The following PHYKPL variants were observed in gnomAD, a reference collection of about 807,000 sequenced individuals.
The protein encoded by PHYKPL is 5-phosphonooxy-L-lysine phospho-lyase.
A neutral mutation model predicts 51.3 loss-of-function variants in PHYKPL; 42 were observed. That is an observed-to-expected ratio of 0.82 (90% CI 0.64 to 1.06). The LOEUF is 1.06. Ranked by LOEUF, PHYKPL falls within the 50% of genes least tolerant of loss-of-function variation. The probability of loss-of-function intolerance (pLI) is 0.00; values close to 1 mark genes in which losing one functional copy is unlikely to be tolerated. For missense variants in PHYKPL, 655 were observed against 586.6 expected (o/e 1.12, Z -1.20); for synonymous variants, 264 against 236.0 (o/e 1.12, Z -1.09).
At chr5:178,221,633 C>T (rs1461075897) in intron 8 of PHYKPL, among the ~76,000 whole-genome samples, 1 of 152,154 alleles carries the variant, frequency 6.6e-6, no homozygotes, top group African/African-American at 2.4e-5. Context: ...TTCAAACTGG[C>T]TCTTTTTGAG....
At chr5:178,226,562 C>T (rs1166625338) in intron 3 of PHYKPL, 2 of 152,172 alleles carry the variant, frequency 1.3e-5, no homozygotes, top group African/African-American at 4.8e-5. Flanking sequence ...TTCCTGTGCC[C>T]TCCCTGGGCG....
At chr5:178,211,858 A>G in intron 12 of PHYKPL, 32 bp downstream of exon 12, 2 of 1,511,956 alleles carry the variant, frequency 1.3e-6, no homozygotes, top group Non-Finnish European at 1.8e-6. Context: ...CCCGCTGTGC[A>G]TCTTCAAGAG....
intron 3 of PHYKPL, chr5:178,228,735 T>C: frequency 1.5e-6 from 1 of 646,930 alleles, no homozygotes; most frequent in South Asian, 1.8e-5. Flanking sequence ...AGATACACTG[T>C]AATCGCCTGC....
At chr5:178,213,393 G>A (rs17577590) in intron 10 of PHYKPL, among the ~76,000 whole-genome samples, 58,366 of 152,078 alleles carry the variant, frequency 0.38, 11,320 homozygotes, top group Admixed American at 0.46. Context: ...ACAGGGAAAC[G>A]CCAGACTGCA....
chr5:178,228,643 T>G (rs565993942), intron 3 of PHYKPL: 1 of 702,040 alleles, frequency 1.4e-6, no homozygotes, highest in Non-Finnish European at 2.6e-6. Flanking sequence ...GGGGGGCAGA[T>G]GTCTGTACTG....
intron 12 of PHYKPL, 68 bp from the exon 13 acceptor site, chr5:178,208,983 C>T (rs567038153): frequency 1.4e-4 from 31 of 229,434 alleles, no homozygotes; most frequent in African/African-American, 5.4e-4. Flanking sequence ...CTTGTCTGAC[C>T]CTCTAGCCCA....
intron 11 of PHYKPL, 89 bp downstream of exon 11, chr5:178,212,884 G>C (rs1280834319): frequency 1.3e-6 from 2 of 1,544,552 alleles, no homozygotes; most frequent in African/African-American, 1.4e-5. Context: ...TTGGACTCTT[G>C]TCCCCTCCCT....
At chr5:178,226,074 A>AT (rs1380543555) in intron 3 of PHYKPL, 3 of 132,708 alleles carry the variant, frequency 2.3e-5, no homozygotes, top group African/African-American at 8.4e-5. Context: ...CACCTTTGGA[A>AT]TTTCTTTTTT....
intron 10 of PHYKPL, among the ~76,000 whole-genome samples, chr5:178,213,892 T>C (rs1218931567): frequency 6.6e-6 from 1 of 152,228 alleles, no homozygotes; most frequent in African/African-American, 2.4e-5. Flanking sequence ...GCAGGGTAAC[T>C]GCAGGTGACT....
At chr5:178,221,048 T>C (rs1035547773) in intron 8 of PHYKPL, among the ~76,000 whole-genome samples, 1 of 152,196 alleles carries the variant, frequency 6.6e-6, no homozygotes, top group Non-Finnish European at 1.5e-5. Context: ...AGATACATGA[T>C]ATTATCAAGG....
At chr5:178,231,258 G>C in intron 2 of PHYKPL, 147 bp downstream of exon 2, 1 of 1,339,664 alleles carries the variant, frequency 7.5e-7, no homozygotes. Flanking sequence ...CAGCTATATT[G>C]CGAAGGCTGA....
Position 178,232,573 on chromosome 5 carries a change from C to A in PHYKPL, c.-23G>T. The A allele has an allele frequency of 8.1e-7, 1 of 1,239,600 alleles. No homozygotes were observed. Among genetic ancestry groups the A allele is most frequent in the Non-Finnish European group, 1.0e-6 (1 of 991,854 alleles). 76.8% of individuals were successfully genotyped at this position (1,239,600 alleles called of 1,614,324 possible). A position where few individuals can be genotyped will look rare whatever the true frequency, so the allele number is the denominator to read the frequency against. On this transcript the variant is annotated 5_prime_UTR_variant, in exon 1 of 13. Coordinates refer to ENST00000308158, the MANE Select transcript of PHYKPL (RefSeq NM_153373.4). ...CATGGTGGGTGGCCGTCAGTCGGTGCCGTGACGCCACGCGGAGACGTCGCC... is the reference window on the plus strand; with the variant it reads ...CATGGTGGGTGGCCGTCAGTCGGTGACGTGACGCCACGCGGAGACGTCGCC...
downstream of PHYKPL, chr5:178,207,196 A>G (rs769149774): frequency 6.2e-7 from 1 of 1,614,178 alleles, no homozygotes; most frequent in Non-Finnish European, 8.5e-7. Flanking sequence ...GGTTCTGGAG[A>G]AAAAGTTCCA....
chr5:178,209,951 T>C (rs1477602633), intron 12 of PHYKPL, among the ~76,000 whole-genome samples: 1 of 150,428 alleles, frequency 6.6e-6, no homozygotes, highest in African/African-American at 2.5e-5. Flanking sequence ...TCTGATCCTC[T>C]GCTTGGGTCT....
At chr5:178,210,743 T>C (rs1430903596) in intron 12 of PHYKPL, 2 of 766,838 alleles carry the variant, frequency 2.6e-6, no homozygotes, top group East Asian at 2.7e-5. Flanking sequence ...GTGCATCTTA[T>C]TTAAAATTTC....
intron 3 of PHYKPL, chr5:178,228,217 A>C: frequency 2.9e-6 from 1 of 343,788 alleles, no homozygotes; most frequent in Non-Finnish European, 5.4e-6. Flanking sequence ...GCTCAGAGAG[A>C]AAAGTGGCCC....
chr5:178,214,703 G>T, intron 10 of PHYKPL, 93 bp downstream of exon 10: 1 of 1,154,440 alleles, frequency 8.7e-7, no homozygotes, highest in Non-Finnish European at 1.3e-6. Flanking sequence ...AGAGTGCTGG[G>T]GGTACAGATG....
At chr5:178,214,545 G>T (rs1000002225) in intron 10 of PHYKPL, among the ~76,000 whole-genome samples, 5 of 152,192 alleles carry the variant, frequency 3.3e-5, no homozygotes, top group Non-Finnish European at 5.9e-5. Flanking sequence ...GGAATAGCCT[G>T]TGTCTCATCT....
In PHYKPL at chr5:178,229,978, C is replaced by T. The variant is rs774597224; in HGVS notation, c.300G>A (p.Leu100=). 9 of 1,614,228 alleles carry T rather than the reference C, an allele frequency of 5.6e-6. No individual in the cohort carries two copies. Among genetic ancestry groups the T allele is most frequent in the Non-Finnish European group, 7.6e-6 (9 of 1,180,034 alleles). Residue 100 remains leucine (L), a synonymous_variant, in exon 3 of 13, where the codon CTG becomes CTA. Coordinates refer to ENST00000308158, the MANE Select transcript of PHYKPL (RefSeq NM_153373.4). ...VDYAQRLSET[L]PEQLCVFYFL... is the part of the protein sequence containing the mutation. ...AATAGAACACACAGAGCTGCTCCGG[C>T]AGGGTCTCTGACAGCCTCTGCGCAT...
Sources: allele counts gnomAD v4.1 joint callset (sites outside exome capture counted in the v4.1 genomes callset), GRCh38; gene constraint gnomAD v4.1.1; transcripts MANE v1.5; gene names NCBI Gene and HGNC (gene_info 2026-07-23, HGNC 2026-07-21).